Variants in LVRN observed in about 807,000 individuals in gnomAD.
The protein encoded by LVRN is aminopeptidase Q.
In LVRN, 99 loss-of-function variants were observed where a neutral mutation model predicts 111.4. The ratio of observed to expected loss-of-function variants is 0.89; its 90% CI spans 0.76 to 1.05. LVRN has a LOEUF of 1.05. Among genes scored for constraint, LVRN ranks in the 50% least tolerant of loss-of-function variants. LVRN has a pLI of 0.00. For synonymous variants in LVRN, 488 were observed against 449.5 expected (o/e 1.09, Z -1.08); for missense variants, 1,414 against 1,206.8 (o/e 1.17, Z -2.54).
At chr5:115,964,013 T>C (rs56000858) in intron 1 of LVRN, among the ~76,000 whole-genome samples, 5,236 of 152,332 alleles carry the variant, frequency 0.034, 143 homozygotes, top group Non-Finnish European at 0.048. Context: ...TTGTTAGAAA[T>C]GCAGACATGT....
intron 11 of LVRN, among the ~76,000 whole-genome samples, 164 bp downstream of exon 11, chr5:116,003,075 A>G (rs1748270540): frequency 6.6e-6 from 1 of 152,222 alleles, no homozygotes; most frequent in South Asian, 2.1e-4. Flanking sequence ...AAAAGCCATT[A>G]TATGTGAAAA....
At chr5:116,018,729 G>A (rs1748653138) in intron 18 of LVRN, among the ~76,000 whole-genome samples, 1 of 152,030 alleles carries the variant, frequency 6.6e-6, no homozygotes, top group Non-Finnish European at 1.5e-5. Flanking sequence ...GCCAAGATTT[G>A]TTCAAATATT....
chr5:116,002,528 C>T (rs768871370), intron 10 of LVRN, among the ~76,000 whole-genome samples: 2 of 152,174 alleles, frequency 1.3e-5, no homozygotes, highest in Non-Finnish European at 2.9e-5. Flanking sequence ...TGAGTGAAGC[C>T]AGGTGTCTAT....
At chr5:116,023,144 C>A (rs1011326890) in intron 19 of LVRN, among the ~76,000 whole-genome samples, 1 of 152,044 alleles carries the variant, frequency 6.6e-6, no homozygotes, top group Non-Finnish European at 1.5e-5. Flanking sequence ...TGATTTATAC[C>A]CCCTCCTCGC....
At chr5:115,981,246 T>A (rs1454432492) in intron 1 of LVRN, among the ~76,000 whole-genome samples, 1 of 152,218 alleles carries the variant, frequency 6.6e-6, no homozygotes. Flanking sequence ...GCTGCTTTTA[T>A]TTTATATTAT....
chr5:115,967,527 G>A (rs537890034), intron 1 of LVRN, among the ~76,000 whole-genome samples: 7 of 152,214 alleles, frequency 4.6e-5, no homozygotes, highest in African/African-American at 1.4e-4. Context: ...GCTTACTGCA[G>A]CTATACAATA....
At chr5:115,984,270 A>G (rs956284335) in intron 2 of LVRN, among the ~76,000 whole-genome samples, 1 of 152,136 alleles carries the variant, frequency 6.6e-6, no homozygotes, top group Admixed American at 6.6e-5. Flanking sequence ...GGACTAGAAA[A>G]CAATAGAATT....
Position 116,014,541 on chromosome 5 carries a change from C to A in LVRN, c.2450+14C>A, listed in dbSNP as rs1213041599. The A allele has an allele frequency of 6.3e-7, 1 of 1,578,318 alleles. No individual in the cohort carries two copies. Among genetic ancestry groups the A allele is most frequent in the Non-Finnish European group, 8.7e-7 (1 of 1,148,390 alleles). On this transcript the variant is annotated intron_variant, in intron 16 of 19. Coordinates refer to ENST00000357872, the MANE Select transcript of LVRN (RefSeq NM_173800.5). ...TCCAGAAAATGAGTAAGAGTAATAT[C>A]ATAATTCCTCTTGTTTTTGTCCTAT...
chr5:116,015,878 C>T, intron 18 of LVRN, 113 bp downstream of exon 18: 2 of 1,288,862 alleles, frequency 1.6e-6, no homozygotes, highest in Non-Finnish European at 2.1e-6. Context: ...CACAAACGTC[C>T]TTTGCATTGA....
chr5:115,963,100 C>G lies in LVRN; in HGVS notation c.483C>G (p.Pro161=). ...GCGAGCGCGCCGAGGTGCGGGGACC[C>G]CTTTCCCCGGGCACTGGGAACGCCA... is the stretch of plus-strand genomic sequence containing the variant. ...QDCERAEVRG[P]LSPGTGNATV... is the part of the protein sequence containing the mutation. The change falls in exon 1 of 20, where the codon CCC becomes CCG. Residue 161 remains proline, a synonymous_variant. Coordinates refer to ENST00000357872, the MANE Select transcript of LVRN (RefSeq NM_173800.5). 6.2e-7 allele frequency: 1 copy of G among 1,613,660 alleles called. No individual in the cohort carries two copies. The highest frequency in any genetic ancestry group is 1.7e-5 in the Admixed American group (1 of 60,014).
chr5:116,011,930 A>G (rs912914954), intron 14 of LVRN, among the ~76,000 whole-genome samples: 2 of 152,114 alleles, frequency 1.3e-5, no homozygotes, highest in Admixed American at 6.6e-5. Flanking sequence ...TGTCCAGGAC[A>G]TAAACCAGTT....
At chr5:116,018,168 T>C (rs907318504) in intron 18 of LVRN, among the ~76,000 whole-genome samples, 6 of 152,150 alleles carry the variant, frequency 3.9e-5, no homozygotes, top group Admixed American at 6.5e-5. Context: ...ACCCATAAAA[T>C]AATTGCCAAT....
intron 6 of LVRN, among the ~76,000 whole-genome samples, chr5:115,997,195 C>T (rs556270389): frequency 5.3e-5 from 8 of 152,144 alleles, no homozygotes; most frequent in Admixed American, 1.3e-4. Flanking sequence ...CATTTTCGGA[C>T]GGCAACTGAG....
Position 116,012,436 on chromosome 5 carries a change from T to C in LVRN, c.2310T>C (p.Asn770=). 1.9e-6 allele frequency: 3 copies of C among 1,548,162 alleles called. No homozygotes were observed. Among genetic ancestry groups the C allele is most frequent in the Non-Finnish European group, 2.7e-6 (3 of 1,127,692 alleles). Reference sequence around the variant, plus strand: ...TTTATTCAACTATAATTCGTGAAAATGTGTTGGCATTACAAGATGACTACT... The same window carrying C: ...TTTATTCAACTATAATTCGTGAAAACGTGTTGGCATTACAAGATGACTACT... ...WNIYSTIIRE[N]VLALQDDYLA... The change falls in exon 15 of 20, where the codon AAT becomes AAC. Residue 770 remains asparagine, a synonymous_variant. Transcript: ENST00000357872.
chr5:116,023,497 T>G (rs1161153306), intron 19 of LVRN: 4 of 152,226 alleles, frequency 2.6e-5, no homozygotes, highest in Admixed American at 2.0e-4. Flanking sequence ...TTGGGTCAGA[T>G]GTACCAATCA....
chr5:116,001,367 A>G (rs1748236519), intron 10 of LVRN, 128 bp downstream of exon 10: 3 of 1,103,430 alleles, frequency 2.7e-6, no homozygotes, highest in African/African-American at 1.6e-5. Flanking sequence ...GTGACTGTGT[A>G]CTAGGGTGAA....
intron 4 of LVRN, among the ~76,000 whole-genome samples, chr5:115,989,901 G>A (rs1747947329): frequency 6.6e-6 from 1 of 152,032 alleles, no homozygotes; most frequent in African/African-American, 2.4e-5. Flanking sequence ...TCTTTGCTGA[G>A]TCACAAACAA....
chr5:115,974,862 T>C, intron 1 of LVRN: 1 of 392,484 alleles, frequency 2.5e-6, no homozygotes, highest in Non-Finnish European at 5.1e-6. Flanking sequence ...TCTCTAATGC[T>C]CTCTCCCGAC....
In LVRN at chr5:116,010,861, G is replaced by A; in HGVS notation, c.2214G>A (p.Glu738=). 1 of 1,609,318 alleles carries A rather than the reference G, an allele frequency of 6.2e-7. No individual in the cohort carries two copies. The highest frequency in any genetic ancestry group is 2.2e-5 in the East Asian group (1 of 44,724). ...TGGTAACCAGGGATCTTGTTTCTGA[G>A]GTGAACATCTATGATATATACTCAT... ...VNLVTRDLVS[E]VNIYDIYSLL... Residue 738 remains glutamate, a synonymous_variant, in exon 14 of 20, where the codon GAG becomes GAA. Coordinates refer to ENST00000357872, the MANE Select transcript of LVRN (RefSeq NM_173800.5).
Sources: gnomAD v4.1 joint callset for allele counts (sites outside exome capture counted in the v4.1 genomes callset) on GRCh38, gnomAD v4.1.1 for gene constraint, MANE v1.5 for transcripts, NCBI Gene and HGNC (gene_info 2026-07-23, HGNC 2026-07-21) for gene names.